The following FRK variants were observed in gnomAD, a reference collection of about 807,000 sequenced individuals.
FRK encodes the protein tyrosine-protein kinase FRK.
FRK carries 51 observed loss-of-function variants against 56.4 expected under a neutral mutation model. The ratio of observed to expected loss-of-function variants is 0.90; its 90% CI spans 0.72 to 1.14. The LOEUF (loss-of-function observed/expected upper bound fraction) is 1.14, where lower values mean the gene tolerates loss of function less well. Among genes scored for constraint, FRK ranks in the 50% most tolerant of loss-of-function variants. The pLI is 0.00. For missense variants in FRK, 570 were observed against 601.4 expected, an observed-to-expected ratio of 0.95 and a Z score of 0.55; for synonymous variants, 245 against 217.9, an observed-to-expected ratio of 1.12 and a Z score of -1.10.
At chr6:115,968,339 A>G (rs537782883) in intron 3 of FRK, among the ~76,000 whole-genome samples, 2 of 152,254 alleles carry the variant, frequency 1.3e-5, no homozygotes, top group African/African-American at 4.8e-5. Context: ...CTCTGCTGTT[A>G]TGGCACAAAA....
intron 1 of FRK, 143 bp from the exon 2 acceptor site, chr6:116,004,141 T>C: frequency 1.4e-6 from 1 of 697,806 alleles, no homozygotes; most frequent in Admixed American, 2.9e-5. Context: ...TGGTAGCTTC[T>C]GACACTTGAG....
rs186617074 is a variant in FRK at position 116,035,023 on chromosome 6, T to C, written c.344+24945A>G. Among the ~76,000 whole-genome samples, 6 of 152,226 alleles carry C rather than the reference T, an allele frequency of 3.9e-5. No homozygotes were observed. The East Asian group carries it at 1.2e-3, about 29-fold the overall frequency. On this transcript the variant is annotated intron_variant, in intron 1 of 7. Transcript: ENST00000606080. ...GTTGAGTAATGGTACCTAGTGGTACTGTTCTCTATCCTTTTTATATGTTTG... is the reference window on the plus strand; with the variant it reads ...GTTGAGTAATGGTACCTAGTGGTACCGTTCTCTATCCTTTTTATATGTTTG...
intron 1 of FRK, among the ~76,000 whole-genome samples, chr6:116,029,381 AT>A (rs1776216304): frequency 6.6e-6 from 1 of 152,160 alleles, no homozygotes; most frequent in African/African-American, 2.4e-5. Context: ...TCATGCTCAG[AT>A]AATGATGATG....
At position 115,937,412 on chromosome 6, in the gene FRK, C is replaced by A. The variant is rs566546265; in HGVS notation, c.*5002G>T. 3.3e-5 allele frequency: 5 copies of A among 152,312 alleles called. No individual in the cohort carries two copies. Among genetic ancestry groups the A allele is most frequent in the Admixed American group, 6.5e-5 (1 of 15,300 alleles). 9.4% of individuals were successfully genotyped at this position (152,312 alleles called of 1,614,324 possible). A position where few individuals can be genotyped will look rare whatever the true frequency, so the allele number is the denominator to read the frequency against. On this transcript the variant is annotated 3_prime_UTR_variant, in exon 8 of 8. Coordinates refer to ENST00000606080, the MANE Select transcript of FRK (RefSeq NM_002031.3). ...GATCATCGAGGATACGAAGAACCTG[C>A]ATCAACTTTCGGGCAAAATAACCAG...
At chr6:115,997,110 C>T (rs1167896081) in intron 2 of FRK, among the ~76,000 whole-genome samples, 1 of 152,116 alleles carries the variant, frequency 6.6e-6, no homozygotes, top group Non-Finnish European at 1.5e-5. Flanking sequence ...CATAATTACC[C>T]CAGCTAAGGG....
At chr6:116,062,503 G>T (rs889465631), upstream of FRK, among the ~76,000 whole-genome samples, 2 of 151,602 alleles carry the variant, frequency 1.3e-5, no homozygotes, top group African/African-American at 4.8e-5. Flanking sequence ...AGATTTGGAA[G>T]CAACCTGAGA....
rs780243111 is a variant in FRK, at chr6:116,060,334, G to A, written c.-23C>T. The A allele has an allele frequency of 2.5e-6, 4 of 1,571,664 alleles. No individual in the cohort carries two copies. Among genetic ancestry groups the A allele is most frequent in the Middle Eastern group, 1.8e-4 (1 of 5,630 alleles). ...CATTGTGCCTTGGTGGGGAGAAGAG[G>A]AGCAGGGCTTCTCCCTCTCCCCTTA... On this transcript the variant is annotated 5_prime_UTR_variant, in exon 1 of 8. Coordinates refer to ENST00000606080, the MANE Select transcript of FRK (RefSeq NM_002031.3).
chr6:115,976,721 G>T (rs1219107284), intron 2 of FRK, among the ~76,000 whole-genome samples: 1 of 151,968 alleles, frequency 6.6e-6, no homozygotes, highest in African/African-American at 2.4e-5. Context: ...CTTAGGCAAG[G>T]AATTTCATTT....
chr6:116,067,905 T>C, the FRK span, among the ~76,000 whole-genome samples: 110 of 152,230 alleles, frequency 7.2e-4, no homozygotes, highest in Non-Finnish European at 1.2e-4. Flanking sequence ...TGCCATTAAA[T>C]AAGCAGACCG....
At chr6:115,994,811 C>G (rs1356334445) in intron 2 of FRK, among the ~76,000 whole-genome samples, 1 of 152,024 alleles carries the variant, frequency 6.6e-6, no homozygotes, top group East Asian at 1.9e-4. Flanking sequence ...CTCTTTCTCT[C>G]CCATGTGAGG....
At chr6:116,045,480 G>T (rs1352433990) in intron 1 of FRK, among the ~76,000 whole-genome samples, 1 of 152,168 alleles carries the variant, frequency 6.6e-6, no homozygotes, top group Non-Finnish European at 1.5e-5. Context: ...ACAAGAAATG[G>T]GGAAAGGATT....
the FRK span, among the ~76,000 whole-genome samples, chr6:116,077,529 T>C: frequency 6.6e-6 from 1 of 152,252 alleles, no homozygotes; most frequent in South Asian, 2.1e-4. Context: ...GCTAATTCAG[T>C]GTGATCTTTC....
chr6:115,983,842 A>G (rs1582678720), intron 2 of FRK, among the ~76,000 whole-genome samples: 3 of 152,010 alleles, frequency 2.0e-5, no homozygotes, highest in Non-Finnish European at 4.4e-5. Context: ...CTAAAATGCA[A>G]ATCTGACCTT....
At chr6:116,041,665 G>A (rs988887161) in intron 1 of FRK, among the ~76,000 whole-genome samples, 1 of 152,148 alleles carries the variant, frequency 6.6e-6, no homozygotes, top group East Asian at 1.9e-4. Context: ...CCTTACCCTA[G>A]CCAAGGGAAG....
the FRK span, among the ~76,000 whole-genome samples, chr6:116,091,168 T>G: frequency 6.6e-6 from 1 of 152,172 alleles, no homozygotes; most frequent in Non-Finnish European, 1.5e-5. Flanking sequence ...TAAAGGATTG[T>G]AAATGTACCA....
At chr6:116,078,887 G>A in the FRK span, among the ~76,000 whole-genome samples, 2 of 151,946 alleles carry the variant, frequency 1.3e-5, no homozygotes, top group East Asian at 1.9e-4. Context: ...TACAGTTACC[G>A]TTCTGTTGTC....
chr6:116,086,848 A>G, the FRK span, among the ~76,000 whole-genome samples: 17 of 152,244 alleles, frequency 1.1e-4, no homozygotes, highest in Admixed American at 1.1e-3. Flanking sequence ...ACTGAGACAC[A>G]AAAGTGAACA....
intron 5 of FRK, among the ~76,000 whole-genome samples, chr6:115,951,361 G>A (rs966106174): frequency 6.6e-6 from 1 of 152,064 alleles, no homozygotes; most frequent in African/African-American, 2.4e-5. Flanking sequence ...ACTATATGAA[G>A]TAAGTATTGC....
the FRK span, among the ~76,000 whole-genome samples, chr6:116,094,491 C>T: frequency 6.6e-6 from 1 of 152,242 alleles, no homozygotes; most frequent in Non-Finnish European, 1.5e-5. Context: ...AATTGGTAGA[C>T]TTTGCTACAG....
Sources: allele counts gnomAD v4.1 joint callset (sites outside exome capture counted in the v4.1 genomes callset), GRCh38; gene constraint gnomAD v4.1.1; transcripts MANE v1.5; gene names NCBI Gene and HGNC (gene_info 2026-07-23, HGNC 2026-07-21).